Variants in XIRP2 observed in about 807,000 individuals in gnomAD.
XIRP2 encodes xin actin-binding repeat-containing protein 2.
A neutral mutation model predicts 277.0 loss-of-function variants in XIRP2; 236 were observed. The observed-to-expected ratio is 0.85, with a 90% CI of 0.77 to 0.95. The LOEUF is 0.95. Among genes scored for constraint, XIRP2 ranks in the 40% least tolerant of loss-of-function variants. XIRP2 has a pLI of 0.00. For missense variants in XIRP2, 4,640 were observed against 4,157.5 expected (o/e 1.12, Z -3.19); for synonymous variants, 1,490 against 1,416.5 (o/e 1.05, Z -1.17).
At chr2:167,103,580 C>T (rs1329954249) in intron 2 of XIRP2, among the ~76,000 whole-genome samples, 4 of 152,090 alleles carry the variant, frequency 2.6e-5, no homozygotes, top group African/African-American at 4.8e-5. Flanking sequence ...AACCAATCTG[C>T]GGCAATGCTC....
chr2:167,164,124 GT>G, intron 3 of XIRP2, among the ~76,000 whole-genome samples: 1 of 152,116 alleles, frequency 6.6e-6, no homozygotes, highest in Non-Finnish European at 1.5e-5. Flanking sequence ...AGAATATATT[GT>G]TTTCCATATT....
chr2:167,153,873 G>T (rs971238301), intron 3 of XIRP2, among the ~76,000 whole-genome samples: 12 of 151,082 alleles, frequency 7.9e-5, no homozygotes, highest in Non-Finnish European at 1.6e-4. Flanking sequence ...AAACATACAT[G>T]TGCATGTGTC....
chr2:166,953,567 AT>A (rs1324001906), intron 2 of XIRP2, among the ~76,000 whole-genome samples: 15 of 151,994 alleles, frequency 9.9e-5, no homozygotes. Flanking sequence ...AGAAGTCTGA[AT>A]TTTTTGATTT....
At chr2:167,191,205 AAAAG>A (rs1374656994) in intron 3 of XIRP2, among the ~76,000 whole-genome samples, 100 of 150,604 alleles carry the variant, frequency 6.6e-4, no homozygotes, top group African/African-American at 2.2e-3. Context: ...AAAAAAAAGA[AAAAG>A]AAAGAAAGAA....
At position 167,250,110 on chromosome 2, in the gene XIRP2, G is replaced by C. The variant is rs1402575913; in HGVS notation, c.8718G>C (p.Glu2906Asp). 3.1e-6 allele frequency: 5 copies of C among 1,613,276 alleles called. No individual in the cohort carries two copies. In the South Asian group the frequency reaches 4.4e-5, roughly 14 times the overall value. ...EKCLEVKGIQ[E>D]KQVFSNTKDS... ...GTCTCGAAGTCAAGGGCATACAAGAGAAACAAGTCTTCTCTAATACTAAAG... is the reference window on the plus strand; with the variant it reads ...GTCTCGAAGTCAAGGGCATACAAGACAAACAAGTCTTCTCTAATACTAAAG... Residue 2906 changes from glutamate (E) to aspartate (D), a missense_variant, in exon 9 of 11, where the codon GAG becomes GAC. By Grantham distance (45) the Glu-to-Asp change is conservative. Coordinates refer to ENST00000409195, the MANE Select transcript of XIRP2 (RefSeq NM_152381.6).
Position 167,247,486 on chromosome 2 carries a change from C to T in XIRP2, c.6094C>T (p.Arg2032Cys), listed in dbSNP as rs547585778. ...AGGCACTGTAAAGATTGTCATAGAT[C>T]GTGAACAAAACAATGATGCTCTGGA... ...PKGTVKIVID[R>C]EQNNDALEKS... Residue 2032 changes from arginine to cysteine, a missense_variant, in exon 9 of 11, where the codon CGT becomes TGT. Transcript: ENST00000409195. 1.2e-5 allele frequency: 20 copies of T among 1,613,540 alleles called. No individual in the cohort carries two copies. The highest frequency in any genetic ancestry group is 8.9e-5 in the East Asian group (4 of 44,848).
chr2:166,932,081 C>A (rs2105369360), intron 2 of XIRP2, among the ~76,000 whole-genome samples: 1 of 152,076 alleles, frequency 6.6e-6, no homozygotes, highest in South Asian at 2.1e-4. Flanking sequence ...TTGTTCAAAT[C>A]TTTTGTCCAT....
intron 2 of XIRP2, among the ~76,000 whole-genome samples, chr2:166,913,318 C>CCT (rs1553469500): frequency 3.3e-5 from 5 of 149,362 alleles, no homozygotes; most frequent in South Asian, 2.1e-4. Context: ...GCACCCCCCC[C>CCT]CCCCAGCCTC....
chr2:167,129,687 A>C (rs966769171), intron 2 of XIRP2, among the ~76,000 whole-genome samples: 1 of 152,054 alleles, frequency 6.6e-6, no homozygotes, highest in African/African-American at 2.4e-5. Flanking sequence ...CCTGAACAAC[A>C]TGGAGAAACC....
At chr2:167,071,371 A>G (rs1313657690) in intron 2 of XIRP2, among the ~76,000 whole-genome samples, 1 of 152,210 alleles carries the variant, frequency 6.6e-6, no homozygotes, top group Non-Finnish European at 1.5e-5. Context: ...CGTTATTAAA[A>G]AGTAATATGA....
intron 3 of XIRP2, among the ~76,000 whole-genome samples, chr2:167,158,203 T>G (rs1692258190): frequency 6.6e-6 from 1 of 152,220 alleles, no homozygotes; most frequent in Admixed American, 6.5e-5. Context: ...ACCAAAGTTT[T>G]AGTTTCTGAG....
intron 2 of XIRP2, among the ~76,000 whole-genome samples, chr2:167,065,961 C>T (rs1376971823): frequency 6.6e-6 from 1 of 151,960 alleles, no homozygotes; most frequent in Non-Finnish European, 1.5e-5. Flanking sequence ...GCAGTACACA[C>T]TTACACACTT....
At chr2:167,078,639 A>G (rs1018049364) in intron 2 of XIRP2, among the ~76,000 whole-genome samples, 1 of 152,066 alleles carries the variant, frequency 6.6e-6, no homozygotes, top group African/African-American at 2.4e-5. Flanking sequence ...GATCAAGACC[A>G]TCCTGGCTAA....
chr2:167,122,032 A>G (rs1420698484), intron 2 of XIRP2, among the ~76,000 whole-genome samples: 1 of 152,200 alleles, frequency 6.6e-6, no homozygotes, highest in Non-Finnish European at 1.5e-5. Flanking sequence ...TTTCAATTTC[A>G]CAGCATTCTT....
chr2:167,090,891 C>T (rs1255984180), intron 2 of XIRP2, among the ~76,000 whole-genome samples: 1 of 152,100 alleles, frequency 6.6e-6, no homozygotes, highest in Admixed American at 6.5e-5. Flanking sequence ...CTAGGCCCCA[C>T]CTGACAACAC....
chr2:167,093,101 A>G (rs527973003), intron 2 of XIRP2, among the ~76,000 whole-genome samples: 1 of 152,186 alleles, frequency 6.6e-6, no homozygotes, highest in Non-Finnish European at 1.5e-5. Flanking sequence ...GTTTCAATTC[A>G]AAGTTTTAGA....
At chr2:166,932,178 G>C (rs1400805260) in intron 2 of XIRP2, among the ~76,000 whole-genome samples, 2 of 148,210 alleles carry the variant, frequency 1.3e-5, no homozygotes, top group African/African-American at 5.0e-5. Context: ...TCATCTTCCT[G>C]TTTGTGACTT....
intron 2 of XIRP2, among the ~76,000 whole-genome samples, chr2:167,107,393 A>T (rs1277108321): frequency 6.6e-6 from 1 of 151,758 alleles, no homozygotes; most frequent in Non-Finnish European, 1.5e-5. Context: ...TCTACTCTTC[A>T]AATAATTTTA....
intron 2 of XIRP2, among the ~76,000 whole-genome samples, chr2:167,083,741 T>G (rs1461923260): frequency 6.6e-6 from 1 of 152,220 alleles, no homozygotes; most frequent in Non-Finnish European, 1.5e-5. Context: ...TTTGGCTCTC[T>G]GTCTGTTGTT....
Sources: allele counts gnomAD v4.1 joint callset (sites outside exome capture counted in the v4.1 genomes callset), GRCh38; gene constraint gnomAD v4.1.1; transcripts MANE v1.5; gene names NCBI Gene and HGNC (gene_info 2026-07-23, HGNC 2026-07-21).